Variants in RELB observed in about 807,000 individuals in gnomAD.
RELB encodes transcription factor RelB.
Under a neutral mutation model 55.4 loss-of-function variants are expected in RELB, and 14 were observed. The observed-to-expected ratio is 0.25, with a 90% CI of 0.17 to 0.40. RELB has a LOEUF of 0.40. Ranked by LOEUF, RELB falls within the 10% of genes least tolerant of loss-of-function variation. RELB has a pLI of 1.00. For missense variants in RELB, 669 were observed against 830.7 expected (o/e 0.81, Z 2.39); for synonymous variants, 409 against 371.3 (o/e 1.10, Z -1.17).
intron 2 of RELB, chr19:45,008,620 T>A (rs1207620707): frequency 2.0e-5 from 9 of 446,630 alleles, no homozygotes; most frequent in South Asian, 1.3e-4. Flanking sequence ...ACAGATCCCA[T>A]GAGATAAGGG....
chr19:45,022,231 G>A lies in RELB; in HGVS notation c.662+21G>A, dbSNP rs8109898. On this transcript the variant is annotated intron_variant, in intron 5 of 11. Transcript: ENST00000221452. ...CACAGGTACCCACCCCCTGACCTCC[G>A]ACCTCTCATCCTTGATCATGGAGAT... 14,444 of 1,571,622 alleles carry A rather than the reference G, an allele frequency of 9.2e-3. 594 individuals carry two copies. The highest frequency in any genetic ancestry group is 0.086 in the South Asian group (7,572 of 88,020).
intron 7 of RELB, among the ~76,000 whole-genome samples, chr19:45,027,164 C>A (rs531414222): frequency 6.8e-6 from 1 of 147,770 alleles, no homozygotes; most frequent in African/African-American, 2.5e-5. Context: ...ACCCTGGAGG[C>A]GGAGCTTGCA....
chr19:45,036,001 T>C (rs1466373352), intron 11 of RELB, among the ~76,000 whole-genome samples: 1 of 152,186 alleles, frequency 6.6e-6, no homozygotes, highest in Non-Finnish European at 1.5e-5. Flanking sequence ...CTTAGTCACA[T>C]GATCACATCA....
At chr19:45,029,525 C>T (rs1304673886) in intron 8 of RELB, among the ~76,000 whole-genome samples, 1 of 151,870 alleles carries the variant, frequency 6.6e-6, no homozygotes, top group Non-Finnish European at 1.5e-5. Context: ...CCAGCCTGGG[C>T]AACATGGTGA....
chr19:45,031,720 C>T (rs751037914), intron 8 of RELB, among the ~76,000 whole-genome samples: 2 of 151,682 alleles, frequency 1.3e-5, no homozygotes, highest in African/African-American at 2.4e-5. Context: ...GGACTACAGG[C>T]GCCTGCCACC....
intron 2 of RELB, among the ~76,000 whole-genome samples, chr19:45,007,402 G>C (rs1971295163): frequency 6.6e-6 from 1 of 152,232 alleles, no homozygotes; most frequent in Non-Finnish European, 1.5e-5. Flanking sequence ...TAGTTTACCT[G>C]TGTGATTCTG....
intron 4 of RELB, among the ~76,000 whole-genome samples, chr19:45,020,129 A>G (rs1971465637): frequency 6.6e-6 from 1 of 152,160 alleles, no homozygotes; most frequent in African/African-American, 2.4e-5. Context: ...CTGAATTTTT[A>G]CATATAATGT....
chr19:45,021,995 T>G, intron 4 of RELB, 58 bp from the exon 5 acceptor site: 1 of 1,521,136 alleles, frequency 6.6e-7, no homozygotes, highest in Non-Finnish European at 8.9e-7. Flanking sequence ...CCCCAAGGAG[T>G]TTGGATGGAC....
chr19:45,010,330 T>A (rs1281461979), intron 3 of RELB, among the ~76,000 whole-genome samples: 4 of 65,842 alleles, frequency 6.1e-5, no homozygotes, highest in Non-Finnish European at 1.2e-4. Flanking sequence ...GAAAACCAAT[T>A]AAAATAAAAT....
chr19:45,021,240 G>A (rs573330694), intron 4 of RELB, among the ~76,000 whole-genome samples: 6 of 152,034 alleles, frequency 3.9e-5, no homozygotes, highest in East Asian at 3.9e-4. Flanking sequence ...TTGGGAGGCC[G>A]AGGCGGGCGG....
chr19:45,017,552 T>C (rs1971435507), intron 4 of RELB, among the ~76,000 whole-genome samples: 1 of 151,788 alleles, frequency 6.6e-6, no homozygotes, highest in Non-Finnish European at 1.5e-5. Flanking sequence ...GAAAAAAAAG[T>C]TTTAGTTTTT....
chr19:45,020,644 G>A (rs371151085), intron 4 of RELB, among the ~76,000 whole-genome samples: 3 of 136,368 alleles, frequency 2.2e-5, no homozygotes, highest in East Asian at 2.3e-4. Context: ...TGCAAGCTCC[G>A]CCTCCCGGGT....
chr19:45,035,838 A>G (rs1032264022), intron 11 of RELB, among the ~76,000 whole-genome samples: 2 of 152,174 alleles, frequency 1.3e-5, no homozygotes, highest in African/African-American at 4.8e-5. Context: ...AACAAGAAAC[A>G]AAAAACAGTC....
chr19:45,034,422 C>T, intron 10 of RELB, 29 bp from the exon 11 acceptor site: 1 of 1,610,264 alleles, frequency 6.2e-7, no homozygotes, highest in Non-Finnish European at 8.5e-7. Context: ...TGTCGGGGAA[C>T]AGGGGTCCTC....
At position 45,012,240 on chromosome 19, in the gene RELB, C is replaced by A; in HGVS notation, c.468C>A (p.Ser156Arg). 1 of 1,462,922 alleles carries A rather than the reference C, an allele frequency of 6.8e-7. No individual in the cohort carries two copies. The highest frequency in any genetic ancestry group is 1.5e-5 in the South Asian group (1 of 68,748). 90.6% of individuals were successfully genotyped at this position (1,462,922 alleles called of 1,614,324 possible). A position where few individuals can be genotyped will look rare whatever the true frequency, so the allele number is the denominator to read the frequency against. The change falls in exon 4 of 12, where the codon AGC becomes AGA. Residue 156 changes from serine (S) to arginine (R), a missense_variant. By Grantham distance (110) the Ser-to-Arg change is moderately radical. Around this residue, in one of 3 missense-constraint regions of RELB, gnomAD observed 323 missense variants for 368.5 expected, o/e 0.88. Coordinates refer to ENST00000221452, the MANE Select transcript of RELB (RefSeq NM_006509.4). ...GRSAGSILGE[S>R]STEASKTLPA... ...CGGCCGGCAGCATCCTTGGGGAGAG[C>A]AGCACCGAGGCCAGCAAGACGCTGC... is the stretch of plus-strand genomic sequence containing the variant.
rs1342843523 is a variant in RELB at position 45,038,152 on chromosome 19, G to C, written c.*362G>C. On this transcript the variant is annotated 3_prime_UTR_variant, in exon 12 of 12. Coordinates refer to ENST00000221452, the MANE Select transcript of RELB (RefSeq NM_006509.4). ...CAGACTTGAAGGTGGGGGGTAGGTT[G>C]GTTGTTCAGAGTCTTCCCAATAAAG... is the stretch of plus-strand genomic sequence containing the variant. 2 of 213,194 alleles carry C rather than the reference G, an allele frequency of 9.4e-6. No homozygotes were observed. The highest frequency in any genetic ancestry group is 9.9e-5 in the East Asian group (1 of 10,074). 13.2% of individuals were successfully genotyped at this position (213,194 alleles called of 1,614,324 possible).
chr19:45,020,146 A>C (rs1005599690), intron 4 of RELB, among the ~76,000 whole-genome samples: 1 of 152,110 alleles, frequency 6.6e-6, no homozygotes, highest in African/African-American at 2.4e-5. Flanking sequence ...ATGTATACAT[A>C]TGTAGTTTAC....
chr19:45,016,454 A>G (rs746587081), intron 4 of RELB, among the ~76,000 whole-genome samples: 2 of 152,132 alleles, frequency 1.3e-5, no homozygotes, highest in African/African-American at 2.4e-5. Flanking sequence ...CGTGGCCACA[A>G]ATGCAGCCTG....
At chr19:45,013,692 C>G (rs528008622) in intron 4 of RELB, among the ~76,000 whole-genome samples, 1 of 151,580 alleles carries the variant, frequency 6.6e-6, no homozygotes, top group African/African-American at 2.4e-5. Context: ...ATTAGTGCGG[C>G]GTGGTGGTGC....
Sources: gnomAD v4.1 joint callset for allele counts (sites outside exome capture counted in the v4.1 genomes callset) on GRCh38, gnomAD v4.1.1 for gene constraint, gnomAD v4.1.1 regional missense constraint, MANE v1.5 for transcripts, NCBI Gene and HGNC (gene_info 2026-07-23, HGNC 2026-07-21) for gene names.